Variants in BPHL observed in about 807,000 individuals in gnomAD.
BPHL encodes the protein serine hydrolase BPHL.
Under a neutral mutation model 31.2 loss-of-function variants are expected in BPHL, and 27 were observed. That is an observed-to-expected ratio of 0.87 (90% CI 0.64 to 1.19). BPHL has a LOEUF of 1.19. Among genes scored for constraint, BPHL ranks in the 50% most tolerant of loss-of-function variants. The pLI is 0.00. For synonymous variants in BPHL, 150 were observed against 146.8 expected (o/e 1.02, Z -0.16); for missense variants, 356 against 375.7 (o/e 0.95, Z 0.43).
At chr6:3,118,918 G>A in intron 1 of BPHL, 71 bp downstream of exon 1, 2 of 1,168,314 alleles carry the variant, frequency 1.7e-6, no homozygotes, top group Non-Finnish European at 1.1e-6. Flanking sequence ...AGGGGCGCGT[G>A]CCGACAGCAG....
upstream of BPHL, chr6:3,118,620 C>T: frequency 6.0e-6 from 4 of 671,382 alleles, no homozygotes; most frequent in South Asian, 7.5e-5. Flanking sequence ...GGGCAGAGGG[C>T]GGAGCAGGAT....
rs1483159157 is a variant in BPHL at position 3,119,642 on chromosome 6, A to G, written c.107+795A>G. 1.0e-5 allele frequency: 13 copies of G among 1,275,750 alleles called. No homozygotes were observed. In the East Asian group the frequency reaches 1.2e-4, roughly 11 times the overall value. The allele number at this position is 1,275,750 out of a possible 1,614,324, so 79.0% of individuals were successfully genotyped here. On this transcript the variant is annotated intron_variant, in intron 1 of 6. Coordinates refer to ENST00000380379, the MANE Select transcript of BPHL (RefSeq NM_004332.4). Reference sequence around the variant, plus strand: ...TGAAGCTTGTTTTACTTTATTCTCTACATACATCCCTACACACATGCAAAC... The same window carrying G: ...TGAAGCTTGTTTTACTTTATTCTCTGCATACATCCCTACACACATGCAAAC...
At chr6:3,144,230 G>T (rs1248457985) in intron 6 of BPHL, among the ~76,000 whole-genome samples, 3 of 151,966 alleles carry the variant, frequency 2.0e-5, no homozygotes, top group Non-Finnish European at 2.9e-5. Flanking sequence ...ACCACGCCCG[G>T]CTAATTTTTT....
At chr6:3,142,675 CT>C (rs1762213978) in intron 6 of BPHL, among the ~76,000 whole-genome samples, 1 of 152,100 alleles carries the variant, frequency 6.6e-6, no homozygotes, top group Non-Finnish European at 1.5e-5. Flanking sequence ...TAATATGGTG[CT>C]TTTCCACCAT....
chr6:3,122,154 C>G (rs1429876122), intron 1 of BPHL, among the ~76,000 whole-genome samples: 2 of 152,126 alleles, frequency 1.3e-5, no homozygotes, highest in Non-Finnish European at 2.9e-5. Flanking sequence ...GTGGCGGGTG[C>G]CTGTAGTCCC....
At chr6:3,119,701 C>T (rs925030531) in intron 1 of BPHL, among the ~76,000 whole-genome samples, 3 of 152,170 alleles carry the variant, frequency 2.0e-5, no homozygotes, top group African/African-American at 4.8e-5. Flanking sequence ...AGTGCATGTG[C>T]GCAGTTGACT....
Position 3,152,995 on chromosome 6 carries a change from C to T in BPHL, c.*420C>T. ...AGTGAGCTGTAATTGCATCACTGCA[C>T]TCCAACCTGGGCAACAGAGTAAGAC... is the stretch of plus-strand genomic sequence containing the variant. On this transcript the variant is annotated 3_prime_UTR_variant, in exon 7 of 7. Transcript: ENST00000380379. The T allele has an allele frequency of 6.5e-6, 1 of 153,728 alleles. No homozygotes were observed. The highest frequency in any genetic ancestry group is 1.4e-5 in the Non-Finnish European group (1 of 69,254). The allele number at this position is 153,728 out of a possible 1,614,324, so 9.5% of individuals were successfully genotyped here. A position where few individuals can be genotyped will look rare whatever the true frequency, so the allele number is the denominator to read the frequency against.
At chr6:3,118,971 T>A in intron 1 of BPHL, 124 bp downstream of exon 1, 1 of 817,470 alleles carries the variant, frequency 1.2e-6, no homozygotes. Flanking sequence ...GCGGCCTGGC[T>A]GCCCTGTCGC....
chr6:3,152,619 A>G lies in BPHL; in HGVS notation c.*44A>G, dbSNP rs758680457. On this transcript the variant is annotated 3_prime_UTR_variant, in exon 7 of 7. Coordinates refer to ENST00000380379, the MANE Select transcript of BPHL (RefSeq NM_004332.4). ...TGGTGGTTCCTTCGTGTGGGGCTTG[A>G]TCGTGTTGCTGCCTGTTAACATGAT... is the stretch of plus-strand genomic sequence containing the variant. 1.8e-5 allele frequency: 28 copies of G among 1,554,924 alleles called. 1 individual carries two copies. Among genetic ancestry groups the G allele is most frequent in the Admixed American group, 7.0e-5 (4 of 57,102 alleles).
In BPHL at chr6:3,140,249, C is replaced by T; in HGVS notation, c.665-137C>T. On this transcript the variant is annotated intron_variant, in intron 5 of 6. Transcript: ENST00000380379. This position sits in a 1 kb window ranked among gnomAD's most constrained non-coding sequence, Gnocchi z 5.2. ...TTAGAGCTGGAAGGAATCCCAGGCACGGTCAAATCCAAAACACAGTTTTTA... is the reference window on the plus strand; with the variant it reads ...TTAGAGCTGGAAGGAATCCCAGGCATGGTCAAATCCAAAACACAGTTTTTA... The T allele has an allele frequency of 5.5e-6, 6 of 1,093,336 alleles. No homozygotes were observed. Among genetic ancestry groups the T allele is most frequent in the East Asian group, 2.6e-5 (1 of 38,162 alleles). 67.7% of individuals were successfully genotyped at this position (1,093,336 alleles called of 1,614,324 possible). A position where few individuals can be genotyped will look rare whatever the true frequency, so the allele number is the denominator to read the frequency against.
chr6:3,151,004 C>T (rs376206850), intron 6 of BPHL, among the ~76,000 whole-genome samples: 14 of 152,242 alleles, frequency 9.2e-5, no homozygotes, highest in East Asian at 1.9e-4. Flanking sequence ...CAGTGCTGAA[C>T]GGCTAAAAAG....
intron 4 of BPHL, among the ~76,000 whole-genome samples, chr6:3,136,340 A>G (rs1363519884): frequency 6.6e-6 from 1 of 152,116 alleles, no homozygotes; most frequent in Admixed American, 6.5e-5. Flanking sequence ...ACCTCATTCA[A>G]GTCTTTTCAT....
intron 1 of BPHL, among the ~76,000 whole-genome samples, chr6:3,122,843 C>T (rs77527744): frequency 6.6e-6 from 1 of 152,172 alleles, no homozygotes; most frequent in Admixed American, 6.5e-5. Flanking sequence ...ACACAGGATA[C>T]CCTACAGCTA....
chr6:3,131,899 T>C (rs1761880192), intron 4 of BPHL, among the ~76,000 whole-genome samples: 1 of 152,168 alleles, frequency 6.6e-6, no homozygotes, highest in Non-Finnish European at 1.5e-5. Context: ...CCCTGAGACC[T>C]GGCGGTGCTC....
intron 5 of BPHL, chr6:3,138,789 A>G (rs1490185437): frequency 6.6e-6 from 1 of 152,196 alleles, no homozygotes; most frequent in African/African-American, 2.4e-5. Flanking sequence ...GTAAACTTGG[A>G]TGTTTTGTTG....
intron 2 of BPHL, chr6:3,126,725 A>G (rs1383452336): frequency 2.7e-5 from 4 of 150,268 alleles, no homozygotes; most frequent in Non-Finnish European, 4.4e-5. Context: ...AAGTGCTGGG[A>G]TTACAGGCGT....
At chr6:3,121,291 CTTTTTTTTTTTTTTTTT>C (rs67332286) in intron 1 of BPHL, among the ~76,000 whole-genome samples, 1 of 80,380 alleles carries the variant, frequency 1.2e-5, no homozygotes, top group Non-Finnish European at 2.4e-5. Context: ...ATAGCAGTTT[CTTTTTTTTTTTTTTTTT>C]TTTTTTTTTT....
Position 3,140,364 on chromosome 6 carries a change from C to A in BPHL, c.665-22C>A. On this transcript the variant is annotated intron_variant, in intron 5 of 6. Coordinates refer to ENST00000380379, the MANE Select transcript of BPHL (RefSeq NM_004332.4). This position sits in a 1 kb window ranked among gnomAD's most constrained non-coding sequence, Gnocchi z 5.2. ...TAGAATGGTTGCACTAAAGCAGATT[C>A]CTCGTGCTGTGTATCCGTCAGGTAA... is the stretch of plus-strand genomic sequence containing the variant. 6.2e-7 allele frequency: 1 copy of A among 1,613,942 alleles called. No individual in the cohort carries two copies. The highest frequency in any genetic ancestry group is 8.5e-7 in the Non-Finnish European group (1 of 1,179,936).
At chr6:3,136,056 C>T (rs1444922827) in intron 4 of BPHL, among the ~76,000 whole-genome samples, 2 of 152,210 alleles carry the variant, frequency 1.3e-5, no homozygotes, top group African/African-American at 4.8e-5. Flanking sequence ...CATGTGCAGA[C>T]ACACTCATAC....
Sources: gnomAD v4.1 joint callset for allele counts (sites outside exome capture counted in the v4.1 genomes callset) on GRCh38, gnomAD v4.1.1 for gene constraint, Gnocchi (gnomAD v3.1) non-coding constraint, MANE v1.5 for transcripts, NCBI Gene and HGNC (gene_info 2026-07-23, HGNC 2026-07-21) for gene names.